The following SLC9A9 variants were observed in gnomAD, a reference collection of about 807,000 sequenced individuals.
SLC9A9 encodes the protein solute carrier family 9 member A9.
A neutral mutation model predicts 77.8 loss-of-function variants in SLC9A9; 62 were observed. The ratio of observed to expected loss-of-function variants is 0.80; its 90% CI spans 0.65 to 0.98. The LOEUF is 0.98. SLC9A9 is among the 50% of genes least tolerant of loss of function. SLC9A9 has a pLI of 0.00. For missense variants in SLC9A9, 775 were observed against 774.9 expected (o/e 1.00, Z 0.00); for synonymous variants, 320 against 283.5 (o/e 1.13, Z -1.29).
At chr3:143,707,385 C>CACACAA (rs898307304) in intron 4 of SLC9A9, among the ~76,000 whole-genome samples, 1 of 151,854 alleles carries the variant, frequency 6.6e-6, no homozygotes, top group Non-Finnish European at 1.5e-5. Flanking sequence ...CACACACACA[C>CACACAA]ACACACACAC....
At chr3:143,751,190 G>A (rs950515962) in intron 4 of SLC9A9, among the ~76,000 whole-genome samples, 7 of 152,150 alleles carry the variant, frequency 4.6e-5, no homozygotes, top group Admixed American at 1.3e-4. Flanking sequence ...GTCTAAACAG[G>A]CTCATGCTGT....
At chr3:143,829,409 C>T (rs1324784279) in intron 2 of SLC9A9, among the ~76,000 whole-genome samples, 1 of 152,156 alleles carries the variant, frequency 6.6e-6, no homozygotes, top group African/African-American at 2.4e-5. Flanking sequence ...ACTGCAGTCT[C>T]ACCTTCCAGT....
chr3:143,783,677 A>G (rs1366997128), intron 4 of SLC9A9, among the ~76,000 whole-genome samples: 1 of 152,246 alleles, frequency 6.6e-6, no homozygotes, highest in African/African-American at 2.4e-5. Context: ...TCTAAAGCAC[A>G]TCAAAAAACT....
chr3:143,363,711 C>A, intron 13 of SLC9A9, 148 bp from the exon 14 acceptor site: 1 of 662,136 alleles, frequency 1.5e-6, no homozygotes, highest in Non-Finnish European at 2.5e-6. Context: ...GAAGCAGTTT[C>A]CAGGCAAATT....
At chr3:143,587,017 T>TATAC (rs1462929248) in intron 6 of SLC9A9, among the ~76,000 whole-genome samples, 1 of 152,200 alleles carries the variant, frequency 6.6e-6, no homozygotes, top group African/African-American at 2.4e-5. Context: ...AATCCAAATG[T>TATAC]ATACCAGAGA....
At chr3:143,342,986 A>G (rs1373919522) in intron 14 of SLC9A9, among the ~76,000 whole-genome samples, 1 of 152,246 alleles carries the variant, frequency 6.6e-6, no homozygotes, top group East Asian at 1.9e-4. Flanking sequence ...TATAAAAATG[A>G]CTGTAATAAT....
chr3:143,846,741 T>G (rs1374500709), intron 1 of SLC9A9, among the ~76,000 whole-genome samples: 1 of 152,062 alleles, frequency 6.6e-6, no homozygotes, highest in African/African-American at 2.4e-5. Context: ...GTTTTTTTTT[T>G]TTTTGCATTT....
intron 12 of SLC9A9, among the ~76,000 whole-genome samples, chr3:143,390,455 C>T (rs933024970): frequency 6.6e-6 from 1 of 152,050 alleles, no homozygotes; most frequent in Non-Finnish European, 1.5e-5. Flanking sequence ...TGGGATAATA[C>T]ATGTAAGGGG....
intron 5 of SLC9A9, among the ~76,000 whole-genome samples, chr3:143,690,959 A>G (rs2108780756): frequency 6.6e-6 from 1 of 152,296 alleles, no homozygotes; most frequent in African/African-American, 2.4e-5. Flanking sequence ...GCTTAAGCAA[A>G]AACCATCAAT....
intron 14 of SLC9A9, among the ~76,000 whole-genome samples, chr3:143,296,997 C>T (rs2030300124): frequency 6.6e-6 from 1 of 152,160 alleles, no homozygotes; most frequent in African/African-American, 2.4e-5. Flanking sequence ...CTGATTGTTT[C>T]CTTTACATGC....
chr3:143,641,200 G>A (rs1040552879), intron 6 of SLC9A9, among the ~76,000 whole-genome samples: 1 of 152,092 alleles, frequency 6.6e-6, no homozygotes, highest in African/African-American at 2.4e-5. Flanking sequence ...CCACAAAGAA[G>A]AGAGCCTAAA....
intron 5 of SLC9A9, among the ~76,000 whole-genome samples, chr3:143,657,278 A>T (rs1560016285): frequency 6.6e-6 from 1 of 152,236 alleles, no homozygotes; most frequent in East Asian, 1.9e-4. Context: ...TTTAAGTTAC[A>T]CAAAACATCA....
At chr3:143,461,577 A>G (rs1576513692) in intron 12 of SLC9A9, among the ~76,000 whole-genome samples, 1 of 152,136 alleles carries the variant, frequency 6.6e-6, no homozygotes. Context: ...CATTATTCCA[A>G]TTTTACAGAT....
At chr3:143,795,504 T>C (rs183311044) in intron 3 of SLC9A9, among the ~76,000 whole-genome samples, 112 of 152,326 alleles carry the variant, frequency 7.4e-4, no homozygotes, top group Non-Finnish European at 1.4e-3. Context: ...GAGATTTACG[T>C]TGCCTGTTGA....
chr3:143,639,385 A>G (rs560153375), intron 6 of SLC9A9, among the ~76,000 whole-genome samples: 279 of 152,364 alleles, frequency 1.8e-3, no homozygotes, highest in African/African-American at 6.5e-3. Flanking sequence ...AGGCACTAGC[A>G]TGGGCATTCA....
chr3:143,834,033 A>G (rs2009504782), intron 1 of SLC9A9, among the ~76,000 whole-genome samples: 1 of 152,176 alleles, frequency 6.6e-6, no homozygotes, highest in African/African-American at 2.4e-5. Flanking sequence ...GAGTAAACCA[A>G]TCATGCTTTC....
chr3:143,652,420 G>T, intron 5 of SLC9A9, 60 bp from the exon 6 acceptor site: 2 of 1,283,286 alleles, frequency 1.6e-6, no homozygotes, highest in Non-Finnish European at 2.2e-6. Flanking sequence ...GTTTTCCTTG[G>T]CTATGGTCAC....
chr3:143,831,996 A>G (rs1188843289), intron 2 of SLC9A9, 23 bp downstream of exon 2: 3 of 1,595,376 alleles, frequency 1.9e-6, no homozygotes, highest in Non-Finnish European at 2.6e-6. Flanking sequence ...AAACAAATAT[A>G]TAATACCAGA....
intron 5 of SLC9A9, among the ~76,000 whole-genome samples, chr3:143,684,493 A>G (rs1283659525): frequency 6.6e-6 from 1 of 152,114 alleles, no homozygotes; most frequent in African/African-American, 2.4e-5. Context: ...ATTTAGGAAC[A>G]TTAAATGTGT....
Sources: allele counts gnomAD v4.1 joint callset (sites outside exome capture counted in the v4.1 genomes callset), GRCh38; gene constraint gnomAD v4.1.1; transcripts MANE v1.5; gene names NCBI Gene and HGNC (gene_info 2026-07-23, HGNC 2026-07-21).